The following CD300LF variants were observed in gnomAD, a reference collection of about 807,000 sequenced individuals.
CD300LF encodes CMRF35-like molecule 1.
CD300LF carries 27 observed loss-of-function variants against 32.2 expected under a neutral mutation model. That is an observed-to-expected ratio of 0.84 (90% CI 0.62 to 1.15). The LOEUF is 1.15. Among genes scored for constraint, CD300LF ranks in the 50% most tolerant of loss-of-function variants. The probability of loss-of-function intolerance (pLI) is 0.00; values close to 1 mark genes in which losing one functional copy is unlikely to be tolerated. For synonymous variants in CD300LF, 139 were observed against 143.2 expected, an observed-to-expected ratio of 0.97 and a Z score of 0.21; for missense variants, 348 against 356.8, an observed-to-expected ratio of 0.98 and a Z score of 0.20.
intron 1 of CD300LF, among the ~76,000 whole-genome samples, chr17:74,708,894 C>G (rs1272022322): frequency 2.9e-5 from 4 of 135,906 alleles, no homozygotes; most frequent in African/African-American, 8.4e-5. Context: ...CCAGCCTGGG[C>G]GACAGAGCAA....
At chr17:74,708,719 A>G (rs1339237846) in intron 1 of CD300LF, among the ~76,000 whole-genome samples, 5 of 152,158 alleles carry the variant, frequency 3.3e-5, no homozygotes, top group Non-Finnish European at 5.9e-5. Flanking sequence ...GATCGAGACC[A>G]TCCTGGCTAA....
chr17:74,707,391 A>G (rs907128984), intron 1 of CD300LF, among the ~76,000 whole-genome samples: 1 of 152,260 alleles, frequency 6.6e-6, no homozygotes, highest in East Asian at 1.9e-4. Context: ...TAAATGCTCA[A>G]CATCTCTGAT....
intron 2 of CD300LF, 126 bp downstream of exon 2, chr17:74,704,352 G>T: frequency 1.4e-6 from 1 of 723,580 alleles, no homozygotes; most frequent in African/African-American, 1.8e-5. Flanking sequence ...GGTCAGTCAG[G>T]GTTCTATGAG....
intron 1 of CD300LF, among the ~76,000 whole-genome samples, chr17:74,709,477 G>A (rs560256310): frequency 6.6e-6 from 1 of 152,248 alleles, no homozygotes; most frequent in East Asian, 1.9e-4. Context: ...TGTTAACATG[G>A]ATGTTGAAGT....
intron 1 of CD300LF, among the ~76,000 whole-genome samples, chr17:74,707,546 C>T (rs751975181): frequency 1.4e-4 from 22 of 152,084 alleles, no homozygotes; most frequent in Non-Finnish European, 2.9e-4. Context: ...GAAATCTTGT[C>T]TCTACTAAAA....
intron 3 of CD300LF, 192 bp from the exon 4 acceptor site, chr17:74,698,673 G>A: frequency 7.2e-7 from 1 of 1,395,378 alleles, no homozygotes; most frequent in Non-Finnish European, 9.4e-7. Context: ...ACACAAAGAA[G>A]GGAATGGAAC....
chr17:74,706,840 G>A (rs1441293371), intron 1 of CD300LF, among the ~76,000 whole-genome samples: 5 of 152,168 alleles, frequency 3.3e-5, no homozygotes, highest in Admixed American at 2.0e-4. Flanking sequence ...CTCCAGCCCG[G>A]GTCCTGGGGA....
chr17:74,695,675 G>T, intron 6 of CD300LF, 50 bp downstream of exon 6: 7 of 1,612,688 alleles, frequency 4.3e-6, no homozygotes, highest in Non-Finnish European at 5.1e-6. Flanking sequence ...GCAACGGCAG[G>T]CCTGTGTCCC....
At chr17:74,698,662 G>A (rs1363473431) in intron 3 of CD300LF, 181 bp from the exon 4 acceptor site, 2 of 1,422,338 alleles carry the variant, frequency 1.4e-6, no homozygotes, top group East Asian at 2.5e-5. Flanking sequence ...AGTACACATA[G>A]ACACAAAGAA....
chr17:74,705,776 G>A (rs1030638681), intron 1 of CD300LF, among the ~76,000 whole-genome samples: 1 of 152,050 alleles, frequency 6.6e-6, no homozygotes, highest in Non-Finnish European at 1.5e-5. Flanking sequence ...TGTAGTTTTA[G>A]TAGAAACAGG....
Position 74,696,303 on chromosome 17 carries a change from A to T in CD300LF, c.560-86T>A, listed in dbSNP as rs116797585. 7,196 of 1,422,558 alleles carry T rather than the reference A, an allele frequency of 5.1e-3. 142 individuals carry two copies. The highest frequency in any genetic ancestry group is 0.044 in the African/African-American group (3,050 of 68,988). 88.1% of individuals were successfully genotyped at this position (1,422,558 alleles called of 1,614,324 possible). ...CAGGTCTAGGGAAGAGAAATATGGAAGAAAAGAGGTGAATTGGGTCCAGGC... is the reference window on the plus strand; with the variant it reads ...CAGGTCTAGGGAAGAGAAATATGGATGAAAAGAGGTGAATTGGGTCCAGGC... On this transcript the variant is annotated intron_variant, in intron 4 of 6. Transcript: ENST00000326165.
chr17:74,698,842 T>A (rs555130289), intron 3 of CD300LF, among the ~76,000 whole-genome samples: 1 of 152,310 alleles, frequency 6.6e-6, no homozygotes, highest in Non-Finnish European at 1.5e-5. Flanking sequence ...AACAAATCTG[T>A]ACGTGTACCC....
intron 3 of CD300LF, among the ~76,000 whole-genome samples, chr17:74,699,296 T>C (rs148272472): frequency 1.3e-3 from 192 of 152,282 alleles, no homozygotes; most frequent in African/African-American, 4.2e-3. Context: ...ACAGAAATTG[T>C]AGGGCAGCAG....
chr17:74,697,503 CA>C (rs1341447789), intron 4 of CD300LF, among the ~76,000 whole-genome samples: 1 of 152,184 alleles, frequency 6.6e-6, no homozygotes, highest in East Asian at 1.9e-4. Context: ...TCACAGAAAA[CA>C]AACTAACAGA....
chr17:74,696,325 A>G (rs2032473287), intron 4 of CD300LF, 108 bp from the exon 5 acceptor site: 5 of 1,202,288 alleles, frequency 4.2e-6, no homozygotes, highest in Non-Finnish European at 5.8e-6. Flanking sequence ...AATTGGGTCC[A>G]GGCTCAGAGA....
intron 1 of CD300LF, among the ~76,000 whole-genome samples, chr17:74,709,410 A>G (rs1175593873): frequency 2.0e-5 from 3 of 152,168 alleles, no homozygotes; most frequent in African/African-American, 7.2e-5. Flanking sequence ...TGTCTATCAA[A>G]AACCTCAGCA....
At chr17:74,695,956 C>A in intron 5 of CD300LF, 97 bp from the exon 6 acceptor site, 1 of 1,419,916 alleles carries the variant, frequency 7.0e-7, no homozygotes, top group East Asian at 2.3e-5. Flanking sequence ...CTCCACTTCC[C>A]CAGGTGCCCC....
intron 3 of CD300LF, among the ~76,000 whole-genome samples, chr17:74,701,875 T>C (rs1598236555): frequency 1.4e-5 from 2 of 141,918 alleles, no homozygotes; most frequent in African/African-American, 2.6e-5. Flanking sequence ...AACAATTAGC[T>C]GGGTGTGGTG....
intron 1 of CD300LF, among the ~76,000 whole-genome samples, chr17:74,708,871 G>T (rs868659659): frequency 3.5e-5 from 5 of 143,518 alleles, no homozygotes; most frequent in Non-Finnish European, 4.6e-5. Context: ...AGCCGAGATC[G>T]CGCCACTGCA....
Sources: allele counts gnomAD v4.1 joint callset (sites outside exome capture counted in the v4.1 genomes callset), GRCh38; gene constraint gnomAD v4.1.1; transcripts MANE v1.5; gene names NCBI Gene and HGNC (gene_info 2026-07-23, HGNC 2026-07-21).